SBF2: variants seen among roughly 807,000 people sequenced by gnomAD.
SBF2 encodes myotubularin-related protein 13.
SBF2 carries 112 observed loss-of-function variants against 225.2 expected under a neutral mutation model. The observed-to-expected ratio is 0.50, with a 90% confidence interval of 0.43 to 0.58. The LOEUF (loss-of-function observed/expected upper bound fraction) is 0.58. Ranked by LOEUF, SBF2 falls within the 20% of genes least tolerant of loss-of-function variation. The probability of loss-of-function intolerance (pLI) is 0.00; values close to 1 mark genes in which losing one functional copy is unlikely to be tolerated. For missense variants in SBF2, 1,996 were observed against 2,206.2 expected (o/e 0.90, Z 1.91); for synonymous variants, 763 against 773.3 (o/e 0.99, Z 0.22).
intron 16 of SBF2, among the ~76,000 whole-genome samples, chr11:9,907,294 G>C (rs1401440261): frequency 1.3e-5 from 2 of 151,940 alleles, no homozygotes; most frequent in African/African-American, 4.8e-5. Flanking sequence ...CCGACCATAT[G>C]GGCCCCTGCC....
chr11:10,076,407 C>T (rs1221181928), intron 2 of SBF2, among the ~76,000 whole-genome samples: 1 of 152,198 alleles, frequency 6.6e-6, no homozygotes, highest in African/African-American at 2.4e-5. Context: ...TCAGGACTTG[C>T]AATCCAGTCT....
chr11:10,243,024 AAC>A lies in SBF2; in HGVS notation c.56-49039_56-49038del, dbSNP rs1959381886. ...AAAACATTCCACCCAAAAGTAGCAGAACACACAGTGTCCTCAAGTGCAAACAG... is the reference window on the plus strand; with the variant it reads ...AAAACATTCCACCCAAAAGTAGCAGAACACAGTGTCCTCAAGTGCAAACAG... On this transcript the variant is annotated intron_variant, in intron 1 of 39. Transcript: ENST00000256190. Among the ~76,000 whole-genome samples, 3 of 152,312 alleles carry A rather than the reference AAC, an allele frequency of 2.0e-5. No individual in the cohort carries two copies. In the South Asian group the frequency reaches 6.2e-4, roughly 32 times the overall value.
chr11:10,302,018 A>G (rs1223169551), intron 1 of SBF2, among the ~76,000 whole-genome samples: 1 of 152,176 alleles, frequency 6.6e-6, no homozygotes, highest in Non-Finnish European at 1.5e-5. Flanking sequence ...TTCTTGCCAG[A>G]AATTTAAAGA....
chr11:10,180,300 A>G (rs553210492), intron 2 of SBF2, among the ~76,000 whole-genome samples: 2 of 152,172 alleles, frequency 1.3e-5, no homozygotes, highest in African/African-American at 4.8e-5. Flanking sequence ...TTTGTTTGGG[A>G]AAGTATTTCT....
At chr11:9,793,565 T>A (rs2133867585) in intron 33 of SBF2, among the ~76,000 whole-genome samples, 1 of 152,280 alleles carries the variant, frequency 6.6e-6, no homozygotes, top group Middle Eastern at 3.4e-3. Flanking sequence ...AATGTTTGTA[T>A]TTTTAGTAGA....
Position 9,968,396 on chromosome 11 carries a change from T to C in SBF2, c.1545A>G (p.Ala515=). ...IQENVAKNQN[A]PPATRIEKKC... The stretch of plus-strand genomic sequence containing the variant: ...TCTTTTCTATTCGTGTGGCAGGAGG[T>C]GCATTCTGGTTCTTAGCAACATTTT... Residue 515 remains alanine (A), a synonymous_variant, in exon 14 of 40, where the codon GCA becomes GCG. Coordinates refer to ENST00000256190, the MANE Select transcript of SBF2 (RefSeq NM_030962.4). The C allele has an allele frequency of 6.2e-7, 1 of 1,614,096 alleles. No individual in the cohort carries two copies. The highest frequency in any genetic ancestry group is 1.7e-5 in the Admixed American group (1 of 60,008).
intron 39 of SBF2, 37 bp from the exon 40 acceptor site, chr11:9,780,553 G>A (rs1019815142): frequency 3.8e-6 from 6 of 1,567,554 alleles, no homozygotes; most frequent in Non-Finnish European, 5.3e-6. Context: ...GAGATGAAGG[G>A]CAGGGCTGTT....
chr11:10,207,605 G>A (rs1280437559), intron 1 of SBF2, among the ~76,000 whole-genome samples: 1 of 152,094 alleles, frequency 6.6e-6, no homozygotes, highest in Admixed American at 6.5e-5. Flanking sequence ...TGCCAGGGTA[G>A]GGTGAGGAGG....
intron 2 of SBF2, among the ~76,000 whole-genome samples, chr11:10,069,661 T>C (rs957986468): frequency 2.6e-5 from 4 of 152,212 alleles, no homozygotes; most frequent in Admixed American, 2.6e-4. Context: ...TGATAATCCT[T>C]TGGGTATATA....
chr11:10,059,373 A>G (rs1399837348), intron 2 of SBF2, among the ~76,000 whole-genome samples: 1 of 152,212 alleles, frequency 6.6e-6, no homozygotes, highest in Non-Finnish European at 1.5e-5. Context: ...TTTGAGATAG[A>G]AAAAGTTTCA....
chr11:9,796,385 T>C (rs1339194209), intron 32 of SBF2, among the ~76,000 whole-genome samples: 1 of 150,898 alleles, frequency 6.6e-6, no homozygotes, highest in African/African-American at 2.5e-5. Flanking sequence ...TTGATAGATA[T>C]ATATTAACAT....
intron 1 of SBF2, among the ~76,000 whole-genome samples, chr11:10,283,563 T>C (rs1315812349): frequency 2.0e-5 from 3 of 151,724 alleles, no homozygotes; most frequent in Non-Finnish European, 4.4e-5. Flanking sequence ...ATTAACATAA[T>C]TGACTCCAGA....
intron 6 of SBF2, among the ~76,000 whole-genome samples, chr11:10,008,114 C>T (rs1315558834): frequency 6.6e-6 from 1 of 152,194 alleles, no homozygotes; most frequent in African/African-American, 2.4e-5. Context: ...CTCCGGTTGA[C>T]TCCAATTGGG....
chr11:10,083,396 ATGGAATCAAGGGAGAGC>A (rs1483272509), intron 2 of SBF2, among the ~76,000 whole-genome samples: 7 of 152,208 alleles, frequency 4.6e-5, no homozygotes, highest in African/African-American at 4.8e-5. Flanking sequence ...TAAAATTCAC[ATGGAATCAAGGGAGAGC>A]TGAAATAGCC....
rs1859858983 is a variant in SBF2 at position 9,882,536 on chromosome 11, T to TGC, written c.1929+13406_1929+13407insGC. Among the ~76,000 whole-genome samples the TGC allele has an allele frequency of 7.2e-5, 11 of 152,226 alleles. No homozygotes were observed. The South Asian group carries it at 1.9e-3, about 26-fold the overall frequency. On this transcript the variant is annotated intron_variant, in intron 17 of 39. Coordinates refer to ENST00000256190, the MANE Select transcript of SBF2 (RefSeq NM_030962.4). ...TTAAACATAACTTCTCGGCCGGGCATGGTGGCTCATGTCTGTAATCCCAGC... is the reference window on the plus strand; with the variant it reads ...TTAAACATAACTTCTCGGCCGGGCATGCGGTGGCTCATGTCTGTAATCCCAGC...
chr11:9,792,699 G>C (rs1385363328), intron 33 of SBF2, among the ~76,000 whole-genome samples: 1 of 152,128 alleles, frequency 6.6e-6, no homozygotes, highest in Non-Finnish European at 1.5e-5. Flanking sequence ...AGGCTGGGTA[G>C]ATGATTTCTA....
chr11:10,290,223 G>A (rs1964077116), intron 1 of SBF2, among the ~76,000 whole-genome samples: 1 of 152,090 alleles, frequency 6.6e-6, no homozygotes, highest in Non-Finnish European at 1.5e-5. Flanking sequence ...TCCCTGGGGT[G>A]GAGCTTGTCA....
chr11:10,127,270 C>A (rs952192208), intron 2 of SBF2, among the ~76,000 whole-genome samples: 1 of 152,048 alleles, frequency 6.6e-6, no homozygotes, highest in Non-Finnish European at 1.5e-5. Flanking sequence ...AAAGATTCTA[C>A]ATAATTAGTT....
intron 3 of SBF2, among the ~76,000 whole-genome samples, chr11:10,038,209 G>C (rs1417446248): frequency 6.6e-6 from 1 of 151,970 alleles, no homozygotes; most frequent in Non-Finnish European, 1.5e-5. Flanking sequence ...CTTGGAGACA[G>C]AATCAATCAA....
Sources: allele counts gnomAD v4.1 joint callset (sites outside exome capture counted in the v4.1 genomes callset), GRCh38; gene constraint gnomAD v4.1.1; transcripts MANE v1.5; gene names NCBI Gene and HGNC (gene_info 2026-07-23, HGNC 2026-07-21).